DGKG: variants seen among roughly 807,000 people sequenced by gnomAD.
DGKG encodes the protein DAG kinase gamma.
In DGKG, 78 loss-of-function variants were observed where a neutral mutation model predicts 105.3. The observed-to-expected ratio is 0.74, with a 90% confidence interval of 0.62 to 0.89. The LOEUF (loss-of-function observed/expected upper bound fraction) is 0.89, where lower values mean the gene tolerates loss of function less well. Ranked by LOEUF, DGKG falls within the 40% of genes least tolerant of loss-of-function variation. DGKG has a pLI of 0.00. For missense variants in DGKG, 958 were observed against 1,020.1 expected, an observed-to-expected ratio of 0.94 and a Z score of 0.83; for synonymous variants, 346 against 367.1, an observed-to-expected ratio of 0.94 and a Z score of 0.66.
rs768647614 is a variant in DGKG at position 186,279,890 on chromosome 3, G to A, written c.753C>T (p.Thr251=). The change falls in exon 9 of 25, where the codon ACC becomes ACT. Residue 251 remains threonine, a synonymous_variant. Transcript: ENST00000265022. ...SLQEWVHGGM[T]TIPLLVLLGM... ...CCAGGAGGACCAGCAATGGGATGGT[G>A]GTCATCCCTCCATGGACCCATTCCT... is the stretch of plus-strand genomic sequence containing the variant. The A allele has an allele frequency of 1.9e-6, 3 of 1,613,880 alleles. No homozygotes were observed. The highest frequency in any genetic ancestry group is 3.3e-5 in the Admixed American group (2 of 59,986).
Position 186,148,880 on chromosome 3 carries a change from T to A in DGKG, c.*1210A>T, listed in dbSNP as rs1035968488. On this transcript the variant is annotated 3_prime_UTR_variant, in exon 25 of 25. Coordinates refer to ENST00000265022, the MANE Select transcript of DGKG (RefSeq NM_001346.3). ...GTGGAGTGGGGGAGTGAGAACCTTC[T>A]TTTTCCTTACCACTTTCTGTCTCAT... 9.1e-6 allele frequency: 9 copies of A among 984,166 alleles called. No individual in the cohort carries two copies. The highest frequency in any genetic ancestry group is 1.2e-4 in the Admixed American group (2 of 16,126). The allele number at this position is 984,166 out of a possible 1,614,324, so 61.0% of individuals were successfully genotyped here. A position where few individuals can be genotyped will look rare whatever the true frequency, so the allele number is the denominator to read the frequency against.
chr3:186,258,968 G>C (rs1259322894), intron 16 of DGKG, among the ~76,000 whole-genome samples: 1 of 152,176 alleles, frequency 6.6e-6, no homozygotes, highest in Non-Finnish European at 1.5e-5. Flanking sequence ...CTTGGGGGTG[G>C]AACTTGGGAA....
intron 1 of DGKG, among the ~76,000 whole-genome samples, chr3:186,334,051 G>A (rs78616436): frequency 1.3e-5 from 2 of 151,998 alleles, no homozygotes; most frequent in Admixed American, 6.6e-5. Flanking sequence ...TTCTGCCAAC[G>A]CCTGATCTCC....
In DGKG at chr3:186,200,003, T is replaced by A. The variant is rs146014547; in HGVS notation, c.1918-11624A>T. ...ATGCTCCCGATGCCTCTTACTCTTG[T>A]GCTTTGTTACCTATGAGATCGCATT... is the stretch of plus-strand genomic sequence containing the variant. On this transcript the variant is annotated intron_variant, in intron 21 of 24. Coordinates refer to ENST00000265022, the MANE Select transcript of DGKG (RefSeq NM_001346.3). 1.3e-4 allele frequency among the ~76,000 whole-genome samples: 20 copies of A among 152,314 alleles called. No individual in the cohort carries two copies. The East Asian group carries it at 3.9e-3, about 29-fold the overall frequency.
chr3:186,283,519 A>C (rs923810220), intron 7 of DGKG, among the ~76,000 whole-genome samples: 2 of 151,960 alleles, frequency 1.3e-5, no homozygotes, highest in African/African-American at 4.8e-5. Context: ...TAAAGCTTCA[A>C]CTTCTTCCAA....
chr3:186,179,171 A>G (rs745581161), intron 22 of DGKG, among the ~76,000 whole-genome samples: 37 of 152,194 alleles, frequency 2.4e-4, no homozygotes, highest in Admixed American at 3.3e-4. Flanking sequence ...GGGATTGACT[A>G]ACCATGGTTT....
intron 2 of DGKG, among the ~76,000 whole-genome samples, chr3:186,318,828 C>G (rs970952672): frequency 3.9e-5 from 6 of 152,194 alleles, no homozygotes; most frequent in Admixed American, 3.3e-4. Context: ...GACAATAAAC[C>G]CACGCTGGAT....
intron 22 of DGKG, among the ~76,000 whole-genome samples, chr3:186,187,840 G>A (rs1717717466): frequency 6.6e-6 from 1 of 152,198 alleles, no homozygotes; most frequent in South Asian, 2.1e-4. Context: ...GCGTTTCCAG[G>A]AAGAGGGAGT....
chr3:186,282,741 CCTGACCT>C (rs1722884529), intron 7 of DGKG, among the ~76,000 whole-genome samples: 1 of 152,060 alleles, frequency 6.6e-6, no homozygotes, highest in South Asian at 2.1e-4. Context: ...GTCTCAAACT[CCTGACCT>C]CTGGTGATCC....
chr3:186,246,270 C>A (rs61517687), intron 19 of DGKG, among the ~76,000 whole-genome samples: 5,345 of 152,256 alleles, frequency 0.035, 321 homozygotes, highest in African/African-American at 0.12. Flanking sequence ...CCACGCCTGG[C>A]CTGAAATTAA....
At chr3:186,315,612 C>A (rs761612022) in intron 2 of DGKG, among the ~76,000 whole-genome samples, 3 of 151,490 alleles carry the variant, frequency 2.0e-5, no homozygotes, top group Non-Finnish European at 2.9e-5. Flanking sequence ...ATGAATACAG[C>A]CTAAGATTGC....
intron 24 of DGKG, among the ~76,000 whole-genome samples, chr3:186,155,340 C>T (rs1370731784): frequency 6.6e-6 from 1 of 152,048 alleles, no homozygotes; most frequent in Non-Finnish European, 1.5e-5. Flanking sequence ...TTACAGGCAC[C>T]CACCACCATG....
At chr3:186,310,335 C>T (rs565215250) in intron 2 of DGKG, among the ~76,000 whole-genome samples, 13 of 148,626 alleles carry the variant, frequency 8.7e-5, no homozygotes, top group East Asian at 2.0e-4. Context: ...ACTAGCTTTC[C>T]GTGAGGTGGA....
At chr3:186,214,973 C>G (rs533527673) in intron 20 of DGKG, among the ~76,000 whole-genome samples, 1 of 152,224 alleles carries the variant, frequency 6.6e-6, no homozygotes, top group South Asian at 2.1e-4. Context: ...AAGAAAGAAG[C>G]TAGGCCATGG....
chr3:186,335,055 G>C (rs1472205627), intron 1 of DGKG, among the ~76,000 whole-genome samples: 1 of 152,154 alleles, frequency 6.6e-6, no homozygotes, highest in Non-Finnish European at 1.5e-5. Flanking sequence ...CAAATAAAAG[G>C]TGTTGTAAGA....
chr3:186,161,312 G>A, intron 24 of DGKG: 16 of 1,248,920 alleles, frequency 1.3e-5, no homozygotes, highest in Non-Finnish European at 1.6e-5. Context: ...CCAGGATACA[G>A]TAGATGAAGT....
intron 24 of DGKG, among the ~76,000 whole-genome samples, chr3:186,150,645 A>G (rs1441174468): frequency 6.6e-6 from 1 of 152,216 alleles, no homozygotes; most frequent in Non-Finnish European, 1.5e-5. Flanking sequence ...TGAGATGTCA[A>G]TCAAGTGACC....
At chr3:186,325,620 T>C (rs1578837230) in intron 1 of DGKG, among the ~76,000 whole-genome samples, 1 of 152,236 alleles carries the variant, frequency 6.6e-6, no homozygotes. Flanking sequence ...TATTTGTTAG[T>C]TAGGAGTCTA....
At chr3:186,328,330 C>T (rs1725443124) in intron 1 of DGKG, among the ~76,000 whole-genome samples, 1 of 152,132 alleles carries the variant, frequency 6.6e-6, no homozygotes, top group Non-Finnish European at 1.5e-5. Flanking sequence ...TAATAATTAA[C>T]ATACAAGCTG....
Sources: allele counts gnomAD v4.1 joint callset (sites outside exome capture counted in the v4.1 genomes callset), GRCh38; gene constraint gnomAD v4.1.1; transcripts MANE v1.5; gene names NCBI Gene and HGNC (gene_info 2026-07-23, HGNC 2026-07-21).